Variants in ABLIM1 observed in about 807,000 individuals in gnomAD.
ABLIM1 encodes the protein actin binding LIM protein 1, also known as actin-binding LIM protein 1.
A neutral mutation model predicts 107.0 loss-of-function variants in ABLIM1; 40 were observed. The ratio of observed to expected loss-of-function variants is 0.37; its 90% CI spans 0.29 to 0.49. The LOEUF is 0.49. Among genes scored for constraint, ABLIM1 ranks in the 20% least tolerant of loss-of-function variants. The probability of loss-of-function intolerance (pLI) is 0.97; values close to 1 mark genes in which losing one functional copy is unlikely to be tolerated. For missense variants in ABLIM1, 857 were observed against 1,008.5 expected (o/e 0.85, Z 2.04); for synonymous variants, 357 against 357.3 (o/e 1.00, Z 0.01).
At chr10:114,553,002 T>G (rs1037522892) in intron 4 of ABLIM1, among the ~76,000 whole-genome samples, 1 of 152,144 alleles carries the variant, frequency 6.6e-6, no homozygotes, top group Non-Finnish European at 1.5e-5. Context: ...TGTTAGGGGA[T>G]AGAAAGTTAA....
chr10:114,654,251 C>T (rs952910659), intron 1 of ABLIM1, among the ~76,000 whole-genome samples: 1 of 152,180 alleles, frequency 6.6e-6, no homozygotes, highest in African/African-American at 2.4e-5. Flanking sequence ...TGTTTCACAG[C>T]ATGGAAGGCA....
chr10:114,446,654 A>G (rs1248756926), intron 15 of ABLIM1, among the ~76,000 whole-genome samples: 3 of 150,490 alleles, frequency 2.0e-5, no homozygotes, highest in Non-Finnish European at 4.4e-5. Context: ...TAGTGATAAT[A>G]AATTCAACAA....
intron 1 of ABLIM1, among the ~76,000 whole-genome samples, chr10:114,611,470 GAA>G (rs35745645): frequency 6.3e-5 from 9 of 143,986 alleles, no homozygotes; most frequent in South Asian, 2.2e-4. Flanking sequence ...ACTCTGCCTA[GAA>G]AAAAAAAAAA....
rs567509729 is a variant in ABLIM1 at position 114,484,447 on chromosome 10, A to G, written c.1041+3511T>C. 5.3e-5 allele frequency among the ~76,000 whole-genome samples: 8 copies of G among 152,204 alleles called. No homozygotes were observed. In the South Asian group the frequency reaches 1.7e-3, roughly 32 times the overall value. On this transcript the variant is annotated intron_variant, in intron 8 of 22. Transcript: ENST00000533213. ...ATCCCGGCTGGAGTGCAGTGGCGCA[A>G]TCTTGGCTCACTGCAACCTCTGTCT...
At chr10:114,500,492 C>A (rs1590524012) in intron 6 of ABLIM1, among the ~76,000 whole-genome samples, 1 of 151,898 alleles carries the variant, frequency 6.6e-6, no homozygotes, top group Admixed American at 6.6e-5. Flanking sequence ...CCAGCCTGGG[C>A]AACATGGAGA....
intron 1 of ABLIM1, among the ~76,000 whole-genome samples, chr10:114,676,612 G>T (rs1052194466): frequency 1.3e-5 from 2 of 152,156 alleles, no homozygotes; most frequent in Non-Finnish European, 2.9e-5. Context: ...TCAGATTATT[G>T]TGTTCTCAAA....
At chr10:114,798,265 A>T in the ABLIM1 span, among the ~76,000 whole-genome samples, 1 of 152,042 alleles carries the variant, frequency 6.6e-6, no homozygotes, top group African/African-American at 2.4e-5. Flanking sequence ...TACTAAAAAT[A>T]CAAAAATTAG....
In ABLIM1 at chr10:114,707,477, C is replaced by T. The variant is rs2081446933; in HGVS notation, c.-213+60584G>A. Among the ~76,000 whole-genome samples, 1 of 152,192 alleles carries T rather than the reference C, an allele frequency of 6.6e-6. No homozygotes were observed. The highest frequency in any genetic ancestry group is 2.4e-5 in the African/African-American group (1 of 41,452). ...GAATTCCTGACCTCAAGTGATATGC[C>T]TGCCTTGGCCTCCCAAAGTGCTGGG... On this transcript the variant is annotated intron_variant, in intron 1 of 15. Transcript: ENST00000651092. The surrounding 1 kb of genome is among the most constrained non-coding windows in gnomAD (Gnocchi z 4.1).
intron 1 of ABLIM1, among the ~76,000 whole-genome samples, chr10:114,604,229 A>G (rs1228101742): frequency 6.6e-6 from 1 of 152,230 alleles, no homozygotes; most frequent in Non-Finnish European, 1.5e-5. Context: ...GAAGCAGAGG[A>G]AGCTGAAAGA....
At chr10:114,624,772 ATT>A (rs397702524) in intron 1 of ABLIM1, among the ~76,000 whole-genome samples, 1 of 145,412 alleles carries the variant, frequency 6.9e-6, no homozygotes, top group African/African-American at 2.5e-5. Context: ...ATTTGTTAAG[ATT>A]TTTTTTTTTT....
intron 6 of ABLIM1, among the ~76,000 whole-genome samples, chr10:114,540,600 A>C (rs1385185380): frequency 6.6e-6 from 1 of 152,182 alleles, no homozygotes; most frequent in Admixed American, 6.5e-5. Context: ...CAAGAGGCTG[A>C]ACAACCTGCC....
chr10:114,548,000 A>C (rs1297737726), intron 4 of ABLIM1, among the ~76,000 whole-genome samples: 1 of 152,164 alleles, frequency 6.6e-6, no homozygotes, highest in Non-Finnish European at 1.5e-5. Flanking sequence ...ACCTCCGTGG[A>C]TCTACGGGGA....
intron 1 of ABLIM1, among the ~76,000 whole-genome samples, chr10:114,745,794 T>C (rs1328561873): frequency 6.6e-6 from 1 of 152,102 alleles, no homozygotes; most frequent in African/African-American, 2.4e-5. Flanking sequence ...TGAGCTGAGA[T>C]TGCGCCATTG....
At chr10:114,756,608 T>A (rs1045646274) in intron 1 of ABLIM1, among the ~76,000 whole-genome samples, 1 of 152,202 alleles carries the variant, frequency 6.6e-6, no homozygotes, top group African/African-American at 2.4e-5. Context: ...TTTCCTCATA[T>A]TGTGTCTGCA....
At chr10:114,575,284 G>T in intron 3 of ABLIM1, 132 bp downstream of exon 3, 1 of 1,024,094 alleles carries the variant, frequency 9.8e-7, no homozygotes. Context: ...TGATAGTACA[G>T]TAAGAAAGAA....
chr10:114,794,208 C>T, the ABLIM1 span, among the ~76,000 whole-genome samples: 3 of 152,188 alleles, frequency 2.0e-5, no homozygotes, highest in Non-Finnish European at 1.5e-5. Context: ...TAGCTTGACC[C>T]CTCTACTTAT....
At chr10:114,492,246 C>T (rs1034365748) in intron 6 of ABLIM1, among the ~76,000 whole-genome samples, 8 of 152,018 alleles carry the variant, frequency 5.3e-5, no homozygotes, top group African/African-American at 1.9e-4. Flanking sequence ...AACAAACCAA[C>T]CAAAAATAAA....
At chr10:114,593,669 A>G (rs770834367) in intron 2 of ABLIM1, among the ~76,000 whole-genome samples, 2 of 152,184 alleles carry the variant, frequency 1.3e-5, no homozygotes, top group African/African-American at 2.4e-5. Flanking sequence ...AACTATTTCT[A>G]TCTTCCAGGG....
chr10:114,693,301 A>G (rs2081122505), intron 1 of ABLIM1, among the ~76,000 whole-genome samples: 1 of 152,240 alleles, frequency 6.6e-6, no homozygotes, highest in African/African-American at 2.4e-5. Context: ...ATAGCTAAAA[A>G]TAAACACACA....
Sources: gnomAD v4.1 joint callset for allele counts (sites outside exome capture counted in the v4.1 genomes callset) on GRCh38, gnomAD v4.1.1 for gene constraint, Gnocchi (gnomAD v3.1) non-coding constraint, MANE v1.5 for transcripts, NCBI Gene and HGNC (gene_info 2026-07-23, HGNC 2026-07-21) for gene names.